Variants in ARHGAP15 observed in about 807,000 individuals in gnomAD.
ARHGAP15 encodes the protein Rho GTPase activating protein 15, also known as rho GTPase-activating protein 15.
In ARHGAP15, 51 loss-of-function variants were observed where a neutral mutation model predicts 63.7. That is an observed-to-expected ratio of 0.80 (90% CI 0.64 to 1.01). The LOEUF (loss-of-function observed/expected upper bound fraction) is 1.01. ARHGAP15 is among the 50% of genes least tolerant of loss of function. The probability of loss-of-function intolerance (pLI) is 0.00; values close to 1 mark genes in which losing one functional copy is unlikely to be tolerated. For missense variants in ARHGAP15, 560 were observed against 564.6 expected, an observed-to-expected ratio of 0.99 and a Z score of 0.08; for synonymous variants, 191 against 193.8, an observed-to-expected ratio of 0.99 and a Z score of 0.12.
chr2:143,754,382 C>A (rs1375213233), intron 13 of ARHGAP15, among the ~76,000 whole-genome samples: 2 of 152,116 alleles, frequency 1.3e-5, no homozygotes, highest in Admixed American at 6.5e-5. Context: ...GTTTTTCCCA[C>A]CTCTGCAGGC....
chr2:143,471,183 T>A (rs1446054063), intron 8 of ARHGAP15, among the ~76,000 whole-genome samples: 2 of 141,880 alleles, frequency 1.4e-5, no homozygotes, highest in Non-Finnish European at 3.1e-5. Context: ...AATATGTGTG[T>A]GTATATATAC....
At chr2:143,357,101 A>G (rs1256322102) in intron 6 of ARHGAP15, among the ~76,000 whole-genome samples, 1 of 152,196 alleles carries the variant, frequency 6.6e-6, no homozygotes, top group Admixed American at 6.5e-5. Flanking sequence ...AATGGGCTGT[A>G]AATAATTTAT....
rs77189630 is a variant in ARHGAP15, at chr2:143,698,702, C to T, written c.1139-4717C>T. The stretch of plus-strand genomic sequence containing the variant: ...AGGCTATTTGGATATGGGTGGAGAA[C>T]TAAAATGGAGGTATTTCATGGAATA... On this transcript the variant is annotated intron_variant, in intron 12 of 13. Transcript: ENST00000295095. Among the ~76,000 whole-genome samples, 40 of 151,670 alleles carry T rather than the reference C, an allele frequency of 2.6e-4. No homozygotes were observed. The East Asian group carries it at 6.2e-3, about 24-fold the overall frequency.
chr2:143,432,123 T>C (rs1172800939), intron 6 of ARHGAP15, among the ~76,000 whole-genome samples: 1 of 152,104 alleles, frequency 6.6e-6, no homozygotes, highest in Admixed American at 6.6e-5. Context: ...TAGCTATGCA[T>C]AATTTTGATT....
chr2:143,548,791 G>A (rs972286759), intron 10 of ARHGAP15, among the ~76,000 whole-genome samples: 1 of 150,522 alleles, frequency 6.6e-6, no homozygotes, highest in Admixed American at 6.6e-5. Context: ...AGAAAAACTT[G>A]TTGCAATAAT....
chr2:143,417,509 T>C (rs1026979790), intron 6 of ARHGAP15, among the ~76,000 whole-genome samples: 1 of 152,196 alleles, frequency 6.6e-6, no homozygotes, highest in South Asian at 2.1e-4. Context: ...TACTAGGTAC[T>C]TTGCCACAGG....
At chr2:143,232,329 C>T (rs952552337) in intron 5 of ARHGAP15, among the ~76,000 whole-genome samples, 1 of 152,054 alleles carries the variant, frequency 6.6e-6, no homozygotes, top group Admixed American at 6.5e-5. Flanking sequence ...AGAAAACTGT[C>T]CCCCTTATTT....
chr2:143,150,992 G>T (rs1208704235), intron 1 of ARHGAP15, among the ~76,000 whole-genome samples: 1 of 152,118 alleles, frequency 6.6e-6, no homozygotes, highest in East Asian at 1.9e-4. Context: ...AAAATTGAAG[G>T]TCAGTGAGGA....
At chr2:143,228,720 A>G (rs745449869) in intron 5 of ARHGAP15, 52 bp downstream of exon 5, 3 of 1,367,098 alleles carry the variant, frequency 2.2e-6, no homozygotes, top group Non-Finnish European at 3.0e-6. Flanking sequence ...AATATTGTAG[A>G]ATTAAAAGTT....
intron 2 of ARHGAP15, among the ~76,000 whole-genome samples, chr2:143,188,876 G>A (rs973458791): frequency 2.6e-5 from 4 of 151,508 alleles, no homozygotes; most frequent in East Asian, 3.9e-4. Context: ...CACCTGCCTC[G>A]GCCTCCCAAA....
Position 143,250,535 on chromosome 2 carries a change from G to A in ARHGAP15, c.409G>A (p.Val137Met), listed in dbSNP as rs1680105265. The A allele has an allele frequency of 6.2e-7, 1 of 1,613,432 alleles. No homozygotes were observed. The highest frequency in any genetic ancestry group is 1.1e-5 in the South Asian group (1 of 91,048). The stretch of plus-strand genomic sequence containing the variant: ...GAAAACTGGGCACAAACCAGAAAGT[G>A]TGGATTTGTGTGGAGCACACATTGA... Reference protein sequence around the residue: ...NMKTGHKPESVDLCGAHIEWA... With the variant: ...NMKTGHKPESMDLCGAHIEWA... The change falls in exon 6 of 14, where the codon GTG (valine) becomes ATG (methionine). Residue 137 changes from valine to methionine, a missense_variant. By Grantham distance (21) the Val-to-Met change is conservative. Transcript: ENST00000295095.
chr2:143,247,116 C>A (rs1694069759), intron 5 of ARHGAP15, among the ~76,000 whole-genome samples: 1 of 152,178 alleles, frequency 6.6e-6, no homozygotes, highest in Non-Finnish European at 1.5e-5. Context: ...CCTGGAGATT[C>A]GTTCCTTGTC....
chr2:143,358,118 C>A (rs1685882917), intron 6 of ARHGAP15, among the ~76,000 whole-genome samples: 1 of 152,176 alleles, frequency 6.6e-6, no homozygotes, highest in Non-Finnish European at 1.5e-5. Flanking sequence ...GTGCCCTGGT[C>A]TTGCTGCAGG....
intron 13 of ARHGAP15, among the ~76,000 whole-genome samples, chr2:143,721,230 G>A (rs973988415): frequency 2.0e-5 from 3 of 152,112 alleles, no homozygotes; most frequent in African/African-American, 7.2e-5. Flanking sequence ...GAGGTTCTCT[G>A]TGGCCAAGAA....
intron 11 of ARHGAP15, among the ~76,000 whole-genome samples, chr2:143,619,827 C>T (rs985181042): frequency 6.6e-6 from 1 of 152,178 alleles, no homozygotes; most frequent in Non-Finnish European, 1.5e-5. Flanking sequence ...TCCCCTTCAC[C>T]TTCTCCCATG....
At chr2:143,507,942 C>A (rs962396966) in intron 9 of ARHGAP15, among the ~76,000 whole-genome samples, 3 of 151,640 alleles carry the variant, frequency 2.0e-5, no homozygotes, top group African/African-American at 7.3e-5. Context: ...CCCTGATGAG[C>A]CTTCCTACTT....
At chr2:143,613,295 A>G (rs991907105) in intron 11 of ARHGAP15, among the ~76,000 whole-genome samples, 3 of 152,230 alleles carry the variant, frequency 2.0e-5, no homozygotes, top group Non-Finnish European at 2.9e-5. Context: ...TCTAAACTCT[A>G]TAATTAAAAT....
At chr2:143,648,643 G>A (rs1300246808) in intron 12 of ARHGAP15, 1 of 151,906 alleles carries the variant, frequency 6.6e-6, no homozygotes, top group East Asian at 1.9e-4. Flanking sequence ...CTGAAAATAA[G>A]TGTGAATCCA....
intron 6 of ARHGAP15, among the ~76,000 whole-genome samples, chr2:143,306,707 C>T (rs927415097): frequency 6.6e-6 from 1 of 152,112 alleles, no homozygotes; most frequent in Non-Finnish European, 1.5e-5. Flanking sequence ...AATTCACCCA[C>T]CTCTTCAGTA....
Sources: allele counts gnomAD v4.1 joint callset (sites outside exome capture counted in the v4.1 genomes callset), GRCh38; gene constraint gnomAD v4.1.1; transcripts MANE v1.5; gene names NCBI Gene and HGNC (gene_info 2026-07-23, HGNC 2026-07-21).